NOVA2: variants seen among roughly 807,000 people sequenced by gnomAD.
NOVA2 encodes the protein RNA-binding protein Nova-2.
In NOVA2, 9 loss-of-function variants were observed where a neutral mutation model predicts 22.5. That is an observed-to-expected ratio of 0.40 (90% CI 0.24 to 0.70). The LOEUF is 0.70. NOVA2 is among the 30% of genes least tolerant of loss of function. NOVA2 has a pLI of 0.38. For synonymous variants in NOVA2, 318 were observed against 335.2 expected, an observed-to-expected ratio of 0.95 and a Z score of 0.56; for missense variants, 383 against 682.8, an observed-to-expected ratio of 0.56 and a Z score of 4.89.
At position 45,973,850 on chromosome 19, in the gene NOVA2, G is replaced by A. The variant is rs1202529282; in HGVS notation, c.-499C>T. ...TCCCCGCTTCTTCTTGGCTCCCTGGGGCAAGAGGGCCGAGCCCCCCAGACC... is the reference window on the plus strand; with the variant it reads ...TCCCCGCTTCTTCTTGGCTCCCTGGAGCAAGAGGGCCGAGCCCCCCAGACC... On this transcript the variant is annotated 5_prime_UTR_variant, in exon 1 of 4. Coordinates refer to ENST00000263257, the MANE Select transcript of NOVA2 (RefSeq NM_002516.4). Among the ~76,000 whole-genome samples, 1 of 151,390 alleles carries A rather than the reference G, an allele frequency of 6.6e-6. No homozygotes were observed. The highest frequency in any genetic ancestry group is 2.0e-4 in the East Asian group (1 of 5,094).
intron 2 of NOVA2, among the ~76,000 whole-genome samples, chr19:45,955,840 G>A (rs1188189018): frequency 1.3e-5 from 2 of 151,640 alleles, no homozygotes; most frequent in Non-Finnish European, 2.9e-5. Context: ...CCTGGCGGCA[G>A]AGCGGGACTC....
chr19:45,964,561 A>ATCTCTCTC lies in NOVA2; in HGVS notation c.86-3416_86-3409dup, dbSNP rs141748431. The stretch of plus-strand genomic sequence containing the variant: ...AGAGAAACTGCTCTAACACTCTCTG[A>ATCTCTCTC]TCTCTCTCTCTCTCTCTCTCTCTTT... On this transcript the variant is annotated intron_variant, in intron 1 of 3. Transcript: ENST00000263257. 5.5e-3 allele frequency among the ~76,000 whole-genome samples: 750 copies of ATCTCTCTC among 136,766 alleles called. 3 individuals carry two copies. Among genetic ancestry groups the ATCTCTCTC allele is most frequent in the Admixed American group, 7.4e-3 (98 of 13,308 alleles). The allele number at this position is 136,766 out of a possible 152,430, so 89.7% of individuals were successfully genotyped here.
chr19:45,962,836 CG>C (rs200811937), intron 1 of NOVA2, among the ~76,000 whole-genome samples: 4,233 of 151,998 alleles, frequency 0.028, 199 homozygotes, highest in African/African-American at 0.097. Flanking sequence ...TTCGTAGAGA[CG>C]GGGTTTCGCC....
rs750541096 is a variant in NOVA2, at chr19:45,940,199, C to T, written c.1143G>A (p.Leu381=). The change falls in exon 4 of 4, where the codon CTG becomes CTA. Residue 381 remains leucine, a synonymous_variant. Coordinates refer to ENST00000263257, the MANE Select transcript of NOVA2 (RefSeq NM_002516.4). ...GGGAGGGGGP[L]VAAAAAAGAA... ...CCCCGGCCGCGGCTGCAGCGGCCAC[C>T]AGCGGGCCGCCCCCTCCGCCCGCCC... The T allele has an allele frequency of 1.3e-6, 2 of 1,516,388 alleles. No homozygotes were observed. The highest frequency in any genetic ancestry group is 1.8e-6 in the Non-Finnish European group (2 of 1,137,668). The allele number at this position is 1,516,388 out of a possible 1,614,324, so 93.9% of individuals were successfully genotyped here. A position where few individuals can be genotyped will look rare whatever the true frequency, so the allele number is the denominator to read the frequency against.
intron 3 of NOVA2, among the ~76,000 whole-genome samples, chr19:45,953,067 C>T (rs1967949952): frequency 6.6e-6 from 1 of 152,352 alleles, no homozygotes; most frequent in African/African-American, 2.4e-5. Flanking sequence ...GCCAGCCCCG[C>T]GTTTCCGTTC....
At chr19:45,949,327 A>C (rs1490571212) in intron 3 of NOVA2, among the ~76,000 whole-genome samples, 4 of 151,846 alleles carry the variant, frequency 2.6e-5, no homozygotes, top group Non-Finnish European at 5.9e-5. Flanking sequence ...ATTTCAAAAA[A>C]AAAAAAAAAA....
Position 45,938,832 on chromosome 19 carries a change from C to T in NOVA2, c.*1031G>A, listed in dbSNP as rs2146404654. ...CACTGTCCAATACAGGAAGTACATG[C>T]TTCAGCCTAATGACATCACAGGACG... On this transcript the variant is annotated 3_prime_UTR_variant, in exon 4 of 4. Transcript: ENST00000263257. 1 of 152,366 alleles carries T rather than the reference C, an allele frequency of 6.6e-6. No homozygotes were observed. Among genetic ancestry groups the T allele is most frequent in the South Asian group, 2.1e-4 (1 of 4,830 alleles). The allele number at this position is 152,366 out of a possible 1,614,324, so 9.4% of individuals were successfully genotyped here.
intron 1 of NOVA2, among the ~76,000 whole-genome samples, chr19:45,965,035 A>T (rs1028306886): frequency 9.9e-5 from 15 of 152,130 alleles, no homozygotes; most frequent in African/African-American, 3.6e-4. Flanking sequence ...TAAGCCTATT[A>T]GGTAATTAAC....
intron 3 of NOVA2, 151 bp from the exon 4 acceptor site, chr19:45,941,096 C>T (rs1967750365): frequency 2.7e-6 from 2 of 734,250 alleles, no homozygotes; most frequent in South Asian, 2.1e-5. Flanking sequence ...TCCAGACTAG[C>T]CTGGCCAACA....
At chr19:45,948,023 T>C (rs1244448129) in intron 3 of NOVA2, among the ~76,000 whole-genome samples, 1 of 152,090 alleles carries the variant, frequency 6.6e-6, no homozygotes, top group East Asian at 1.9e-4. Context: ...GACCTCCTCA[T>C]AGGACTATGA....
At chr19:45,961,390 T>G (rs958262989) in intron 1 of NOVA2, among the ~76,000 whole-genome samples, 2 of 152,030 alleles carry the variant, frequency 1.3e-5, no homozygotes, top group Non-Finnish European at 2.9e-5. Flanking sequence ...TGTGGGCAAA[T>G]GAGGCAAATA....
intron 2 of NOVA2, among the ~76,000 whole-genome samples, chr19:45,958,467 T>C (rs886349221): frequency 1.3e-5 from 2 of 151,130 alleles, no homozygotes; most frequent in African/African-American, 4.9e-5. Flanking sequence ...TGTAAGCGTG[T>C]GTGTGAGTGG....
At chr19:45,973,223 G>A in intron 1 of NOVA2, 44 bp downstream of exon 1, 2 of 1,188,564 alleles carry the variant, frequency 1.7e-6, no homozygotes, top group Non-Finnish European at 2.3e-6. Context: ...GAAAGGCGAG[G>A]CCCCCTGCCC....
At chr19:45,955,750 C>T (rs1476868994) in intron 2 of NOVA2, among the ~76,000 whole-genome samples, 2 of 151,622 alleles carry the variant, frequency 1.3e-5, no homozygotes, top group South Asian at 2.1e-4. Context: ...CCCAGCTACA[C>T]GGGAGGCTGA....
chr19:45,936,274 G>T lies in NOVA2; in HGVS notation c.*3589C>A, dbSNP rs182738547. ...CTCCCCAGTTTCCATAGATTTGCCAGGAAGTTGGCAAGTGGGATTCTCCTT... is the reference window on the plus strand; with the variant it reads ...CTCCCCAGTTTCCATAGATTTGCCATGAAGTTGGCAAGTGGGATTCTCCTT... On this transcript the variant is annotated 3_prime_UTR_variant, in exon 4 of 4. Transcript: ENST00000263257. 6.6e-6 allele frequency: 1 copy of T among 152,250 alleles called. No individual in the cohort carries two copies. 9.4% of individuals were successfully genotyped at this position (152,250 alleles called of 1,614,324 possible). A position where few individuals can be genotyped will look rare whatever the true frequency, so the allele number is the denominator to read the frequency against.
chr19:45,946,991 T>C (rs1430267116), intron 3 of NOVA2, among the ~76,000 whole-genome samples: 5 of 152,092 alleles, frequency 3.3e-5, no homozygotes, highest in Non-Finnish European at 5.9e-5. Flanking sequence ...CTAAGTGCAG[T>C]GTATGGGGAC....
intron 1 of NOVA2, among the ~76,000 whole-genome samples, chr19:45,972,326 C>T (rs1239074642): frequency 6.6e-6 from 1 of 152,066 alleles, no homozygotes; most frequent in Non-Finnish European, 1.5e-5. Flanking sequence ...TGGAGTCACA[C>T]CCACACCCTT....
rs762542956 is a variant in NOVA2 at position 45,939,834 on chromosome 19, G to A, written c.*29C>T. On this transcript the variant is annotated 3_prime_UTR_variant, in exon 4 of 4. Transcript: ENST00000263257. ...GGGAAGAGGAGGAGATGGGAGGAGAGAAAAGGGTGGGAGCACACACCACAG... is the reference window on the plus strand; with the variant it reads ...GGGAAGAGGAGGAGATGGGAGGAGAAAAAAGGGTGGGAGCACACACCACAG... 4 of 1,612,786 alleles carry A rather than the reference G, an allele frequency of 2.5e-6. No homozygotes were observed. The highest frequency in any genetic ancestry group is 3.4e-6 in the Non-Finnish European group (4 of 1,179,194).
Position 45,956,443 on chromosome 19 carries a change from C to T in NOVA2, c.230-2497G>A, listed in dbSNP as rs1968006712. Among the ~76,000 whole-genome samples, 3 of 150,522 alleles carry T rather than the reference C, an allele frequency of 2.0e-5. No homozygotes were observed. In the South Asian group the frequency reaches 6.3e-4, roughly 32 times the overall value. On this transcript the variant is annotated intron_variant, in intron 2 of 3. Transcript: ENST00000263257. ...CTAATAATAGCTGACCCTTATACAA[C>T]CCAAGCCTCAGGCACCATTCTAAGC... is the stretch of plus-strand genomic sequence containing the variant.
Sources: gnomAD v4.1 joint callset for allele counts (sites outside exome capture counted in the v4.1 genomes callset) on GRCh38, gnomAD v4.1.1 for gene constraint, MANE v1.5 for transcripts, NCBI Gene and HGNC (gene_info 2026-07-23, HGNC 2026-07-21) for gene names.